The following FUNDC2 variants were observed in gnomAD, a reference collection of about 807,000 sequenced individuals.
FUNDC2 encodes the protein FUN14 domain containing 2.
FUNDC2 carries 4 observed loss-of-function variants against 15.6 expected under a neutral mutation model. The observed-to-expected ratio is 0.26, with a 90% CI of 0.13 to 0.59. FUNDC2 has a LOEUF of 0.59. Ranked by LOEUF, FUNDC2 falls within the 20% of genes least tolerant of loss-of-function variation. The pLI, the probability that FUNDC2 is intolerant of heterozygous loss-of-function variation, is 0.90. For synonymous variants in FUNDC2, 44 were observed against 56.9 expected, an observed-to-expected ratio of 0.77 and a Z score of 1.02; for missense variants, 98 against 149.7, an observed-to-expected ratio of 0.65 and a Z score of 1.80.
intron 1 of FUNDC2, among the ~76,000 whole-genome samples, chrX:155,029,763 AAAAAAAAG>A (rs1404135246): frequency 9.1e-6 from 1 of 110,304 alleles, no homozygotes; most frequent in East Asian, 2.8e-4. Context: ...CAAAAAAAAA[AAAAAAAAG>A]AAAAAAGAAA....
Position 155,030,367 on chromosome X carries a change from C to CAAAA in FUNDC2, c.134-3014_134-3011dup, listed in dbSNP as rs1275771643. ...GCAACAAAGTGAGACCTCCTGTCTACAAAAAAAAAAAAAAAAAAAAAAAAA... is the reference window on the plus strand; with the variant it reads ...GCAACAAAGTGAGACCTCCTGTCTACAAAAAAAAAAAAAAAAAAAAAAAAAAAAA... On this transcript the variant is annotated intron_variant, in intron 1 of 4. Coordinates refer to ENST00000369498, the MANE Select transcript of FUNDC2 (RefSeq NM_023934.4). Among the ~76,000 whole-genome samples the CAAAA allele has an allele frequency of 1.7e-3, 45 of 27,024 alleles. 1 individual carries two copies. Among genetic ancestry groups the CAAAA allele is most frequent in the South Asian group, 2.9e-3 (1 of 349 alleles). 23.5% of individuals were successfully genotyped at this position (27,024 alleles called of 115,157 possible). A position where few individuals can be genotyped will look rare whatever the true frequency, so the allele number is the denominator to read the frequency against.
In FUNDC2 at chrX:155,058,092, T is replaced by C. The variant is rs2073914687; in HGVS notation, c.*3420T>C. ...CTTGTTTGTTGCAATCTCCCGCCAC[T>C]CAGCCTCCAGACATTCATTAACAGG... On this transcript the variant is annotated 3_prime_UTR_variant, in exon 5 of 5. Coordinates refer to ENST00000369498, the MANE Select transcript of FUNDC2 (RefSeq NM_023934.4). 1 of 111,465 alleles carries C rather than the reference T, an allele frequency of 9.0e-6. No individual in the cohort carries two copies. The highest frequency in any genetic ancestry group is 9.5e-5 in the Admixed American group (1 of 10,510). The allele number at this position is 111,465 out of a possible 1,213,427, so 9.2% of individuals were successfully genotyped here. A position where few individuals can be genotyped will look rare whatever the true frequency, so the allele number is the denominator to read the frequency against.
rs1433934408 is a variant in FUNDC2, at chrX:155,058,057, C to T, written c.*3385C>T. On this transcript the variant is annotated 3_prime_UTR_variant, in exon 5 of 5. Coordinates refer to ENST00000369498, the MANE Select transcript of FUNDC2 (RefSeq NM_023934.4). ...TAATATGTTAGCATGACTCTCCTCC[C>T]AAATGGCCGCTTGTTTGTTGCAATC... 1 of 111,155 alleles carries T rather than the reference C, an allele frequency of 9.0e-6. No individual in the cohort carries two copies. The highest frequency in any genetic ancestry group is 1.9e-5 in the Non-Finnish European group (1 of 53,009). 9.2% of individuals were successfully genotyped at this position (111,155 alleles called of 1,213,427 possible). A position where few individuals can be genotyped will look rare whatever the true frequency, so the allele number is the denominator to read the frequency against.
chrX:155,030,279 C>T (rs1272116989), intron 1 of FUNDC2, among the ~76,000 whole-genome samples: 1 of 106,760 alleles, frequency 9.4e-6, no homozygotes. Flanking sequence ...ACTTGTAATC[C>T]CAGCACTTTG....
At chrX:155,050,431 A>T (rs1359173642) in intron 3 of FUNDC2, 2 of 111,674 alleles carry the variant, frequency 1.8e-5, no homozygotes, top group African/African-American at 6.5e-5. Context: ...GTTTTTATGT[A>T]AGAGCCTTCA....
In FUNDC2 at chrX:155,057,097, C is replaced by G. The variant is rs2073908344; in HGVS notation, c.*2425C>G. On this transcript the variant is annotated 3_prime_UTR_variant, in exon 5 of 5. Transcript: ENST00000369498. Reference sequence around the variant, plus strand: ...CCACGGTGTGAGGCCACTGTGACCACTTGGGATTGTGCAGAGCTGGCATGG... The same window carrying G: ...CCACGGTGTGAGGCCACTGTGACCAGTTGGGATTGTGCAGAGCTGGCATGG... 1.9e-5 allele frequency: 2 copies of G among 104,464 alleles called. No homozygotes were observed. Among genetic ancestry groups the G allele is most frequent in the South Asian group, 7.6e-4 (2 of 2,618 alleles). 8.6% of individuals were successfully genotyped at this position (104,464 alleles called of 1,213,427 possible).
chrX:155,051,892 G>A, intron 4 of FUNDC2, 91 bp downstream of exon 4: 1 of 916,551 alleles, frequency 1.1e-6, no homozygotes, highest in Non-Finnish European at 1.5e-6. Flanking sequence ...TGATGGACAG[G>A]GCTTAAGCAT....
chrX:155,051,632 T>A (rs1557290494), intron 3 of FUNDC2, 38 bp from the exon 4 acceptor site: 1 of 1,195,294 alleles, frequency 8.4e-7, no homozygotes, highest in Non-Finnish European at 1.1e-6. Flanking sequence ...AACAAATCTG[T>A]TTCTCATTTC....
At chrX:155,046,429 G>A in intron 2 of FUNDC2, 80 bp from the exon 3 acceptor site, 3 of 884,415 alleles carry the variant, frequency 3.4e-6, no homozygotes, top group Non-Finnish European at 5.0e-6. Flanking sequence ...AGCTAAGTAA[G>A]ATATGAACAT....
At chrX:155,054,038 C>T (rs2073886417) in intron 4 of FUNDC2, 4 of 750,567 alleles carry the variant, frequency 5.3e-6, no homozygotes, top group African/African-American at 4.7e-5. Context: ...GAAATAAGAA[C>T]GTCACCTGTT....
At position 155,054,893 on chromosome X, in the gene FUNDC2, A is replaced by G. The variant is rs1407642029; in HGVS notation, c.*221A>G. 2.8e-5 allele frequency: 11 copies of G among 386,094 alleles called. No homozygotes were observed. Among genetic ancestry groups the G allele is most frequent in the Non-Finnish European group, 4.0e-5 (9 of 223,626 alleles). The allele number at this position is 386,094 out of a possible 1,213,427, so 31.8% of individuals were successfully genotyped here. A position where few individuals can be genotyped will look rare whatever the true frequency, so the allele number is the denominator to read the frequency against. Reference sequence around the variant, plus strand: ...TAGTCCTTAGCTCTCCTCCCAGTACACCCCCTACTTGGCCAGTCTGTAGGC... The same window carrying G: ...TAGTCCTTAGCTCTCCTCCCAGTACGCCCCCTACTTGGCCAGTCTGTAGGC... On this transcript the variant is annotated 3_prime_UTR_variant, in exon 5 of 5. Coordinates refer to ENST00000369498, the MANE Select transcript of FUNDC2 (RefSeq NM_023934.4).
rs1182832437 is a variant in FUNDC2 at position 155,055,125 on chromosome X, G to A, written c.*453G>A. ...AAGCATGAAAGATTTTGGTATCTTGGTGTCTACTTTCTTTTTTAGTTGGTT... is the reference window on the plus strand; with the variant it reads ...AAGCATGAAAGATTTTGGTATCTTGATGTCTACTTTCTTTTTTAGTTGGTT... On this transcript the variant is annotated 3_prime_UTR_variant, in exon 5 of 5. Coordinates refer to ENST00000369498, the MANE Select transcript of FUNDC2 (RefSeq NM_023934.4). The A allele has an allele frequency of 3.4e-6, 1 of 296,375 alleles. No homozygotes were observed. The highest frequency in any genetic ancestry group is 5.9e-6 in the Non-Finnish European group (1 of 170,591). The allele number at this position is 296,375 out of a possible 1,213,427, so 24.4% of individuals were successfully genotyped here.
rs1476320629 is a variant in FUNDC2, at chrX:155,060,092, G to A, written c.*5420G>A. On this transcript the variant is annotated 3_prime_UTR_variant, in exon 5 of 5. Transcript: ENST00000369498. Reference sequence around the variant, plus strand: ...CACTTTTTATAGCAATGCAACAATGGACTAATACATATACTTTAGCATAAA... The same window carrying A: ...CACTTTTTATAGCAATGCAACAATGAACTAATACATATACTTTAGCATAAA... 4 of 111,819 alleles carry A rather than the reference G, an allele frequency of 3.6e-5. No individual in the cohort carries two copies. The highest frequency in any genetic ancestry group is 1.3e-4 in the African/African-American group (4 of 30,738). 9.2% of individuals were successfully genotyped at this position (111,819 alleles called of 1,213,427 possible).
At chrX:155,033,672 A>C in intron 2 of FUNDC2, 119 bp downstream of exon 2, 1 of 593,692 alleles carries the variant, frequency 1.7e-6, no homozygotes, top group Non-Finnish European at 2.7e-6. Context: ...TGGTCACTTA[A>C]TGTGGAGCAT....
Position 155,058,014 on chromosome X carries a change from G to A in FUNDC2, c.*3342G>A, listed in dbSNP as rs145003570. ...TTGCCTGAGCAGCCCATTGTCATGA[G>A]TGTTATTGCCATTGTGATAATATGT... On this transcript the variant is annotated 3_prime_UTR_variant, in exon 5 of 5. Transcript: ENST00000369498. 7 of 111,196 alleles carry A rather than the reference G, an allele frequency of 6.3e-5. No individual in the cohort carries two copies. In the East Asian group the frequency reaches 2.0e-3, roughly 31 times the overall value. The allele number at this position is 111,196 out of a possible 1,213,427, so 9.2% of individuals were successfully genotyped here.
rs1423068377 is a variant in FUNDC2, at chrX:155,057,049, A to G, written c.*2377A>G. Reference sequence around the variant, plus strand: ...TGCAGGTTGGCCTCATCCTGCTAGTATGAGAACGGCTGTGAGTTCTGCCCA... The same window carrying G: ...TGCAGGTTGGCCTCATCCTGCTAGTGTGAGAACGGCTGTGAGTTCTGCCCA... On this transcript the variant is annotated 3_prime_UTR_variant, in exon 5 of 5. Transcript: ENST00000369498. The G allele has an allele frequency of 4.1e-5, 4 of 96,957 alleles. No individual in the cohort carries two copies. The highest frequency in any genetic ancestry group is 8.9e-5 in the Non-Finnish European group (4 of 44,831). The allele number at this position is 96,957 out of a possible 1,213,427, so 8.0% of individuals were successfully genotyped here. A position where few individuals can be genotyped will look rare whatever the true frequency, so the allele number is the denominator to read the frequency against.
In FUNDC2 at chrX:155,034,142, TA is replaced by T. The variant is rs782613136; in HGVS notation, c.284+597del. On this transcript the variant is annotated intron_variant, in intron 2 of 4. Coordinates refer to ENST00000369498, the MANE Select transcript of FUNDC2 (RefSeq NM_023934.4). ...ACACCTATGTAACAACTGCTAAGGT[TA>T]AAAAAAACGTGGCTAGCGCCCTAGA... Among the ~76,000 whole-genome samples the T allele has an allele frequency of 6.0e-3, 674 of 112,116 alleles. 6 individuals are homozygous for T. The highest frequency in any genetic ancestry group is 0.02 in the African/African-American group (631 of 30,913).
At chrX:155,051,385 A>AC (rs1557290479) in intron 3 of FUNDC2, 4 of 261,652 alleles carry the variant, frequency 1.5e-5, no homozygotes, top group South Asian at 5.8e-5. Context: ...CTACATCTTG[A>AC]CCCCCCACCT....
At chrX:155,053,873 G>C (rs143549422) in intron 4 of FUNDC2, 1 of 750,483 alleles carries the variant, frequency 1.3e-6, no homozygotes, top group South Asian at 6.9e-5. Context: ...TATCAAAATT[G>C]TCTCTGAAAT....
Sources: gnomAD v4.1 joint callset for allele counts (sites outside exome capture counted in the v4.1 genomes callset) on GRCh38, gnomAD v4.1.1 for gene constraint, MANE v1.5 for transcripts, NCBI Gene and HGNC (gene_info 2026-07-23, HGNC 2026-07-21) for gene names.